DLC1: variants seen among roughly 807,000 people sequenced by gnomAD.
DLC1 encodes the protein DLC1 Rho GTPase activating protein.
Under a neutral mutation model 140.3 loss-of-function variants are expected in DLC1, and 54 were observed. The ratio of observed to expected loss-of-function variants is 0.38; its 90% CI spans 0.31 to 0.48. The LOEUF (loss-of-function observed/expected upper bound fraction) is 0.48. DLC1 is among the 20% of genes least tolerant of loss of function. The pLI is 0.96. For synonymous variants in DLC1, 986 were observed against 728.1 expected (o/e 1.35, Z -5.70); for missense variants, 2,536 against 1,907.0 (o/e 1.33, Z -6.14).
intron 1 of DLC1, among the ~76,000 whole-genome samples, chr8:13,551,277 C>G (rs777368387): frequency 3.9e-5 from 6 of 151,972 alleles, no homozygotes; most frequent in Admixed American, 2.6e-4. Flanking sequence ...ATGCATTGTT[C>G]TAAATCACAG....
At chr8:13,474,982 A>G (rs1304228319) in intron 2 of DLC1, among the ~76,000 whole-genome samples, 1 of 152,122 alleles carries the variant, frequency 6.6e-6, no homozygotes. Flanking sequence ...TAATTTTTGC[A>G]TTTTTGTGGT....
intron 5 of DLC1, among the ~76,000 whole-genome samples, chr8:13,228,438 A>C (rs1828896464): frequency 6.6e-6 from 1 of 152,180 alleles, no homozygotes; most frequent in African/African-American, 2.4e-5. Context: ...TAAAAAGACA[A>C]ACCAGTTGAA....
At chr8:13,144,473 A>C (rs1222281191) in intron 5 of DLC1, among the ~76,000 whole-genome samples, 1 of 152,178 alleles carries the variant, frequency 6.6e-6, no homozygotes, top group Non-Finnish European at 1.5e-5. Flanking sequence ...CCCTTAATAA[A>C]TTATCTCTCG....
intron 1 of DLC1, among the ~76,000 whole-genome samples, chr8:13,604,061 A>C (rs968658188): frequency 3.3e-5 from 5 of 152,190 alleles, no homozygotes; most frequent in African/African-American, 1.2e-4. Context: ...AAACATACAT[A>C]AAATTATTCC....
At chr8:13,130,455 C>A (rs1036462067) in intron 5 of DLC1, among the ~76,000 whole-genome samples, 1 of 152,210 alleles carries the variant, frequency 6.6e-6, no homozygotes, top group African/African-American at 2.4e-5. Context: ...TAGAAATGCT[C>A]TAAACTTTGC....
chr8:13,346,644 A>T (rs1427652241), intron 4 of DLC1, among the ~76,000 whole-genome samples: 3 of 152,258 alleles, frequency 2.0e-5, no homozygotes. Flanking sequence ...GTAAAGGAAC[A>T]CATCTCATTG....
intron 4 of DLC1, among the ~76,000 whole-genome samples, chr8:13,334,715 G>C (rs991264316): frequency 6.6e-6 from 1 of 152,170 alleles, no homozygotes; most frequent in Non-Finnish European, 1.5e-5. Flanking sequence ...GTTTGATCTT[G>C]GCTGAAAATC....
chr8:13,106,672 A>T (rs1819593469), intron 7 of DLC1, among the ~76,000 whole-genome samples: 1 of 152,244 alleles, frequency 6.6e-6, no homozygotes, highest in African/African-American at 2.4e-5. Context: ...AAATTGTGAC[A>T]AAGTTAAAAT....
intron 5 of DLC1, among the ~76,000 whole-genome samples, chr8:13,261,572 C>T (rs527803100): frequency 6.6e-6 from 1 of 152,056 alleles, no homozygotes; most frequent in African/African-American, 2.4e-5. Context: ...GGTGGGGAGG[C>T]CAGTTGAGGA....
intron 5 of DLC1, among the ~76,000 whole-genome samples, chr8:13,257,768 A>G (rs1036252619): frequency 6.6e-6 from 1 of 152,010 alleles, no homozygotes; most frequent in Non-Finnish European, 1.5e-5. Context: ...GGAAACCAGC[A>G]TGCTGAAGGT....
At chr8:13,097,372 T>C (rs896021861) in intron 10 of DLC1, among the ~76,000 whole-genome samples, 1 of 152,064 alleles carries the variant, frequency 6.6e-6, no homozygotes, top group Non-Finnish European at 1.5e-5. Context: ...CAAGGGATTC[T>C]CATGCCTCAG....
At chr8:13,343,355 A>G (rs1288683372) in intron 4 of DLC1, among the ~76,000 whole-genome samples, 1 of 152,322 alleles carries the variant, frequency 6.6e-6, no homozygotes, top group East Asian at 1.9e-4. Flanking sequence ...GTCATTCTGC[A>G]TAACTCCTGA....
intron 1 of DLC1, among the ~76,000 whole-genome samples, chr8:13,529,689 C>G (rs774493424): frequency 6.6e-6 from 1 of 151,976 alleles, no homozygotes; most frequent in Non-Finnish European, 1.5e-5. Context: ...TGGAAGAAAG[C>G]AAATAGATAA....
chr8:13,284,308 C>T (rs541997664), intron 5 of DLC1, among the ~76,000 whole-genome samples: 1 of 152,278 alleles, frequency 6.6e-6, no homozygotes, highest in South Asian at 2.1e-4. Flanking sequence ...GAGTGGATCA[C>T]CTAACGTCAG....
At chr8:13,372,103 C>T (rs1163595407) in intron 4 of DLC1, among the ~76,000 whole-genome samples, 1 of 151,948 alleles carries the variant, frequency 6.6e-6, no homozygotes, top group Non-Finnish European at 1.5e-5. Flanking sequence ...ATAGTCACAA[C>T]TCGTTACCAT....
intron 4 of DLC1, among the ~76,000 whole-genome samples, chr8:13,381,564 T>G (rs1836263218): frequency 6.6e-6 from 1 of 152,320 alleles, no homozygotes; most frequent in South Asian, 2.1e-4. Flanking sequence ...CTCTTAGATT[T>G]TTCACTCTGG....
intron 7 of DLC1, among the ~76,000 whole-genome samples, chr8:13,109,019 A>G (rs1819827831): frequency 6.6e-6 from 1 of 152,228 alleles, no homozygotes; most frequent in Non-Finnish European, 1.5e-5. Flanking sequence ...CAAAAGTGAC[A>G]GCGTTTCTGT....
In DLC1 at chr8:13,393,758, C is replaced by A. The variant is rs1836882423; in HGVS notation, c.1174-65G>T. Reference sequence around the variant, plus strand: ...ATGTTCCCAAATGCCCTTCTTCCTACCACCAGAACTTTGTCACTTCTTCTT... The same window carrying A: ...ATGTTCCCAAATGCCCTTCTTCCTAACACCAGAACTTTGTCACTTCTTCTT... On this transcript the variant is annotated intron_variant, in intron 3 of 17. Coordinates refer to ENST00000276297, the MANE Select transcript of DLC1 (RefSeq NM_182643.3). 5.2e-5 allele frequency: 80 copies of A among 1,546,004 alleles called. 2 individuals are homozygous for A. The South Asian group carries it at 9.3e-4, about 18-fold the overall frequency.
chr8:13,134,560 A>G (rs1453271898), intron 5 of DLC1, among the ~76,000 whole-genome samples: 1 of 152,186 alleles, frequency 6.6e-6, no homozygotes, highest in Non-Finnish European at 1.5e-5. Flanking sequence ...TACAAATAGG[A>G]GAATTTAGTC....
Sources: gnomAD v4.1 joint callset for allele counts (sites outside exome capture counted in the v4.1 genomes callset) on GRCh38, gnomAD v4.1.1 for gene constraint, MANE v1.5 for transcripts, NCBI Gene and HGNC (gene_info 2026-07-23, HGNC 2026-07-21) for gene names.